The following STAT1 variants were observed in gnomAD, a reference collection of about 807,000 sequenced individuals.
STAT1 encodes signal transducer and activator of transcription 1-alpha/beta.
A neutral mutation model predicts 111.7 loss-of-function variants in STAT1; 24 were observed. That is an observed-to-expected ratio of 0.21 (90% CI 0.16 to 0.30). The LOEUF (loss-of-function observed/expected upper bound fraction) is 0.30. Among genes scored for constraint, STAT1 ranks in the 10% least tolerant of loss-of-function variants. The probability of loss-of-function intolerance (pLI) is 1.00; values close to 1 mark genes in which losing one functional copy is unlikely to be tolerated. For missense variants in STAT1, 351 were observed against 911.9 expected (o/e 0.38, Z 7.92); for synonymous variants, 332 against 326.5 (o/e 1.02, Z -0.18).
chr2:191,007,459 TAGAG>T lies in STAT1; in HGVS notation c.372+100_372+103del, dbSNP rs2066806. On this transcript the variant is annotated intron_variant, in intron 5 of 24. Coordinates refer to ENST00000361099, the MANE Select transcript of STAT1 (RefSeq NM_007315.4). This position sits in a 1 kb window ranked among gnomAD's most constrained non-coding sequence, Gnocchi z 4.2. Reference sequence around the variant, plus strand: ...CTCCCACTTCTTGGGGCTATAAAATTAGAGAGATATTCATCATTGCTTTGACATG... The same window carrying T: ...CTCCCACTTCTTGGGGCTATAAAATTAGATATTCATCATTGCTTTGACATG... The T allele has an allele frequency of 4.7e-6, 4 of 852,094 alleles. No homozygotes were observed. The Admixed American group carries it at 8.2e-5, about 18-fold the overall frequency. 52.8% of individuals were successfully genotyped at this position (852,094 alleles called of 1,614,324 possible).
At chr2:190,994,002 GAGT>G (rs1054698783) in intron 10 of STAT1, among the ~76,000 whole-genome samples, 56 of 152,328 alleles carry the variant, frequency 3.7e-4, no homozygotes, top group African/African-American at 1.3e-3. Context: ...ACAAAAGGCA[GAGT>G]AGGAAAGGAA....
In STAT1 at chr2:190,999,597, C is replaced by T. The variant is rs374170990; in HGVS notation, c.541+29G>A. 92 of 1,551,276 alleles carry T rather than the reference C, an allele frequency of 5.9e-5. No homozygotes were observed. Among genetic ancestry groups the T allele is most frequent in the African/African-American group, 8.1e-5 (6 of 73,678 alleles). On this transcript the variant is annotated intron_variant, in intron 7 of 24. Coordinates refer to ENST00000361099, the MANE Select transcript of STAT1 (RefSeq NM_007315.4). The surrounding 1 kb of genome is among the most constrained non-coding windows in gnomAD (Gnocchi z 4.1). ...TGTGAACAGAAAAAATTGCAGCCAA[C>T]GGGCACCACTTCAGTTGTGAACCCT...
chr2:191,010,108 C>A, intron 2 of STAT1, 104 bp from the exon 3 acceptor site: 1 of 1,313,208 alleles, frequency 7.6e-7, no homozygotes, highest in Non-Finnish European at 1.1e-6. Context: ...CTTGCTTAAT[C>A]CAAAACATAG....
At position 190,984,158 on chromosome 2, in the gene STAT1, T is replaced by G; in HGVS notation, c.1347+152A>C. 1.4e-6 allele frequency: 1 copy of G among 693,084 alleles called. No individual in the cohort carries two copies. Among genetic ancestry groups the G allele is most frequent in the Non-Finnish European group, 2.5e-6 (1 of 399,872 alleles). 42.9% of individuals were successfully genotyped at this position (693,084 alleles called of 1,614,324 possible). A position where few individuals can be genotyped will look rare whatever the true frequency, so the allele number is the denominator to read the frequency against. On this transcript the variant is annotated intron_variant, in intron 16 of 24. Transcript: ENST00000361099. This position sits in a 1 kb window ranked among gnomAD's most constrained non-coding sequence, Gnocchi z 5.2. ...TTCAATTGTCTAGCTTTCTGGACCATAAATTAAGGTTAAGATAGTATTAGC... is the reference window on the plus strand; with the variant it reads ...TTCAATTGTCTAGCTTTCTGGACCAGAAATTAAGGTTAAGATAGTATTAGC...
At chr2:190,992,746 C>G in intron 10 of STAT1, 1 of 862,934 alleles carries the variant, frequency 1.2e-6, no homozygotes, top group Admixed American at 3.2e-5. Context: ...TTCTTAATCT[C>G]AGCTGCCATC....
rs397810558 is a variant in STAT1 at position 190,981,061 on chromosome 2, C to CG, written c.1583-393_1583-392insC. On this transcript the variant is annotated intron_variant, in intron 18 of 24. Transcript: ENST00000361099. The surrounding 1 kb of genome is among the most constrained non-coding windows in gnomAD (Gnocchi z 4.1). ...AAAGAGAGGACAGTCCTTTTAATGC[C>CG]TCTTCATGTTACACTTCCTTCCAAG... 6.6e-6 allele frequency among the ~76,000 whole-genome samples: 1 copy of CG among 151,760 alleles called. No individual in the cohort carries two copies. The highest frequency in any genetic ancestry group is 2.4e-5 in the African/African-American group (1 of 41,242).
At chr2:190,972,682 G>A (rs1385663311) in intron 24 of STAT1, among the ~76,000 whole-genome samples, 5 of 151,628 alleles carry the variant, frequency 3.3e-5, no homozygotes, top group East Asian at 3.9e-4. Flanking sequence ...TGATTCAACC[G>A]TTGTCTAACC....
At position 191,009,863 on chromosome 2, in the gene STAT1, G is replaced by A. The variant is rs1348080221; in HGVS notation, c.128+13C>T. ...GTGTAAACTTCTTCTTCTGTCTAGTGAATTTTCCTTACCAGTCTTGCTTTT... is the reference window on the plus strand; with the variant it reads ...GTGTAAACTTCTTCTTCTGTCTAGTAAATTTTCCTTACCAGTCTTGCTTTT... On this transcript the variant is annotated intron_variant, in intron 3 of 24. Transcript: ENST00000361099. 2.5e-6 allele frequency: 4 copies of A among 1,613,490 alleles called. No individual in the cohort carries two copies. The highest frequency in any genetic ancestry group is 3.4e-6 in the Non-Finnish European group (4 of 1,179,720).
chr2:191,013,726 G>A (rs1559028205), intron 1 of STAT1, 48 bp from the exon 2 acceptor site: 1 of 398,604 alleles, frequency 2.5e-6, no homozygotes, highest in African/African-American at 2.1e-5. Flanking sequence ...GGAAACGGGA[G>A]AAAGTGACGG....
rs1463871829 is a variant in STAT1 at position 190,981,965 on chromosome 2, C to T, written c.1582+418G>A. On this transcript the variant is annotated intron_variant, in intron 18 of 24. Transcript: ENST00000361099. This position sits in a 1 kb window ranked among gnomAD's most constrained non-coding sequence, Gnocchi z 4.1. ...ACCTGGGCCCCACCTGAGGCAAGGGCCCTGGGTTTATGCTGCAGTGGGCAA... is the reference window on the plus strand; with the variant it reads ...ACCTGGGCCCCACCTGAGGCAAGGGTCCTGGGTTTATGCTGCAGTGGGCAA... Among the ~76,000 whole-genome samples, 7 of 152,220 alleles carry T rather than the reference C, an allele frequency of 4.6e-5. No individual in the cohort carries two copies. Among genetic ancestry groups the T allele is most frequent in the Non-Finnish European group, 8.8e-5 (6 of 68,038 alleles).
chr2:190,994,764 A>G (rs2125059455), intron 10 of STAT1, among the ~76,000 whole-genome samples: 1 of 151,728 alleles, frequency 6.6e-6, no homozygotes, highest in South Asian at 2.1e-4. Flanking sequence ...CTACTAAAAA[A>G]AATTAGCCAG....
Position 190,988,002 on chromosome 2 carries a change from G to A in STAT1, c.1098-934C>T, listed in dbSNP as rs868046074. ...AGCAGCTGAGAGGAGCTGAGCTGAC[G>A]CAGAAGATGGTAAACTGCAATGGCA... On this transcript the variant is annotated intron_variant, in intron 12 of 24. Transcript: ENST00000361099. Among the ~76,000 whole-genome samples, 4 of 152,336 alleles carry A rather than the reference G, an allele frequency of 2.6e-5. No homozygotes were observed. The South Asian group carries it at 6.2e-4, about 24-fold the overall frequency.
In STAT1 at chr2:190,975,911, G is replaced by T. The variant is rs761245455; in HGVS notation, c.2060-24C>A. The T allele has an allele frequency of 6.3e-7, 1 of 1,589,286 alleles. No homozygotes were observed. On this transcript the variant is annotated intron_variant, in intron 22 of 24. Coordinates refer to ENST00000361099, the MANE Select transcript of STAT1 (RefSeq NM_007315.4). This position sits in a 1 kb window ranked among gnomAD's most constrained non-coding sequence, Gnocchi z 5.9. Reference sequence around the variant, plus strand: ...TGCTAGAAATAAACACATTGTGTACGCTTTCCATCAACCGAAATTCCATCA... The same window carrying T: ...TGCTAGAAATAAACACATTGTGTACTCTTTCCATCAACCGAAATTCCATCA...
chr2:190,988,018 T>G (rs1693005021), intron 12 of STAT1, among the ~76,000 whole-genome samples: 1 of 152,222 alleles, frequency 6.6e-6, no homozygotes, highest in Admixed American at 6.5e-5. Flanking sequence ...GATGGTAAAC[T>G]GCAATGGCAA....
At chr2:191,013,930 C>T (rs369071555) in intron 1 of STAT1, 88 bp downstream of exon 1, 2 of 329,996 alleles carry the variant, frequency 6.1e-6, no homozygotes, top group Non-Finnish European at 1.1e-5. Context: ...ACAGACGGCC[C>T]GTCCTCGCCC....
intron 24 of STAT1, among the ~76,000 whole-genome samples, chr2:190,972,923 G>A (rs957540664): frequency 6.6e-6 from 1 of 151,744 alleles, no homozygotes; most frequent in South Asian, 2.1e-4. Flanking sequence ...TGGCTACAGC[G>A]AGTGTCCAAA....
Position 190,980,513 on chromosome 2 carries a change from C to T in STAT1, c.1632+107G>A, listed in dbSNP as rs964064037. 4.5e-5 allele frequency: 60 copies of T among 1,345,468 alleles called. No homozygotes were observed. The Admixed American group carries it at 9.1e-4, about 20-fold the overall frequency. 83.3% of individuals were successfully genotyped at this position (1,345,468 alleles called of 1,614,324 possible). A position where few individuals can be genotyped will look rare whatever the true frequency, so the allele number is the denominator to read the frequency against. ...GAGGGGCTCCTTGGCCAGAGAAGAA[C>T]ACGCCAAAATAAGCAAACAGTTAAG... On this transcript the variant is annotated intron_variant, in intron 19 of 24. Transcript: ENST00000361099. The surrounding 1 kb of genome is among the most constrained non-coding windows in gnomAD (Gnocchi z 6.1).
Position 190,998,164 on chromosome 2 carries a change from T to C in STAT1, c.633+53A>G. 6.3e-7 allele frequency: 1 copy of C among 1,576,514 alleles called. No homozygotes were observed. Among genetic ancestry groups the C allele is most frequent in the Non-Finnish European group, 8.7e-7 (1 of 1,146,520 alleles). ...CCTCTCTTCTAAACTTTGAGTCCAT[T>C]ATTTACAGTGTATAACAAAAGTGGC... On this transcript the variant is annotated intron_variant, in intron 8 of 24. Transcript: ENST00000361099. This position sits in a 1 kb window ranked among gnomAD's most constrained non-coding sequence, Gnocchi z 4.1.
rs1301669705 is a variant in STAT1, at chr2:191,007,185, G to C, written c.372+378C>G. ...GCAAGCTTCCACTGCCTCTACCTTG[G>C]ACAGCTGCAAGAACCCTCTATCTGC... On this transcript the variant is annotated intron_variant, in intron 5 of 24. Transcript: ENST00000361099. This position sits in a 1 kb window ranked among gnomAD's most constrained non-coding sequence, Gnocchi z 4.2. 2.6e-5 allele frequency among the ~76,000 whole-genome samples: 4 copies of C among 152,064 alleles called. No individual in the cohort carries two copies. Among genetic ancestry groups the C allele is most frequent in the Admixed American group, 2.6e-4 (4 of 15,264 alleles).
Sources: allele counts gnomAD v4.1 joint callset (sites outside exome capture counted in the v4.1 genomes callset), GRCh38; gene constraint gnomAD v4.1.1; non-coding constraint Gnocchi (gnomAD v3.1); transcripts MANE v1.5; gene names NCBI Gene and HGNC (gene_info 2026-07-23, HGNC 2026-07-21).